GALNT7: variants seen among roughly 807,000 people sequenced by gnomAD.
The protein encoded by GALNT7 is polypeptide N-acetylgalactosaminyltransferase 7.
Under a neutral mutation model 82.1 loss-of-function variants are expected in GALNT7, and 60 were observed. The observed-to-expected ratio is 0.73, with a 90% CI of 0.59 to 0.91. The LOEUF (loss-of-function observed/expected upper bound fraction) is 0.91. Ranked by LOEUF, GALNT7 falls within the 40% of genes least tolerant of loss-of-function variation. GALNT7 has a pLI of 0.00. For synonymous variants in GALNT7, 243 were observed against 275.1 expected (o/e 0.88, Z 1.15); for missense variants, 660 against 804.2 (o/e 0.82, Z 2.17).
chr4:173,268,324 G>GT (rs1394780110), intron 2 of GALNT7: 1 of 152,036 alleles, frequency 6.6e-6, no homozygotes, highest in Non-Finnish European at 1.5e-5. Context: ...CAATAGCACT[G>GT]TAACTCGCAC....
At chr4:173,178,054 C>CGT (rs1732123073) in intron 1 of GALNT7, among the ~76,000 whole-genome samples, 1 of 123,124 alleles carries the variant, frequency 8.1e-6, no homozygotes, top group African/African-American at 3.7e-5. Flanking sequence ...TGTGTGTGTG[C>CGT]GCGCACGCGC....
chr4:173,222,068 C>A (rs1394362411), intron 1 of GALNT7, among the ~76,000 whole-genome samples: 1 of 152,122 alleles, frequency 6.6e-6, no homozygotes, highest in East Asian at 1.9e-4. Context: ...TCTGCCCCTG[C>A]CTCATGATAG....
intron 1 of GALNT7, among the ~76,000 whole-genome samples, chr4:173,206,127 G>T (rs1158987429): frequency 6.6e-6 from 1 of 152,218 alleles, no homozygotes; most frequent in Non-Finnish European, 1.5e-5. Flanking sequence ...CTGATGACAG[G>T]CTGCAGGGGA....
chr4:173,319,448 T>C (rs961201017), intron 11 of GALNT7, among the ~76,000 whole-genome samples: 1 of 152,132 alleles, frequency 6.6e-6, no homozygotes, highest in Non-Finnish European at 1.5e-5. Context: ...CACGTATCAA[T>C]TGATGATTTT....
chr4:173,208,532 C>G (rs998256461), intron 1 of GALNT7, among the ~76,000 whole-genome samples: 2 of 152,140 alleles, frequency 1.3e-5, no homozygotes, highest in Admixed American at 1.3e-4. Flanking sequence ...CTTCTTACCC[C>G]CTCCTCCGCA....
chr4:173,220,706 G>A (rs999511274), intron 1 of GALNT7, among the ~76,000 whole-genome samples: 4 of 132,628 alleles, frequency 3.0e-5, no homozygotes, highest in Admixed American at 1.9e-4. Flanking sequence ...CTGTGTCCAC[G>A]TGTTCTCATT....
intron 2 of GALNT7, among the ~76,000 whole-genome samples, chr4:173,279,182 G>A (rs954773623): frequency 6.6e-6 from 1 of 152,206 alleles, no homozygotes; most frequent in Admixed American, 6.5e-5. Context: ...GCATGGCACT[G>A]ACATATGCCT....
chr4:173,261,635 G>C (rs1287065707), intron 2 of GALNT7, among the ~76,000 whole-genome samples: 1 of 151,986 alleles, frequency 6.6e-6, no homozygotes, highest in Non-Finnish European at 1.5e-5. Flanking sequence ...TGGCCAACAT[G>C]GTGAAACCTC....
intron 2 of GALNT7, among the ~76,000 whole-genome samples, chr4:173,260,711 C>G (rs1735227620): frequency 6.6e-6 from 1 of 152,016 alleles, no homozygotes; most frequent in Non-Finnish European, 1.5e-5. Context: ...TTGTGCCTTA[C>G]AACATAAACA....
intron 1 of GALNT7, among the ~76,000 whole-genome samples, chr4:173,217,502 G>A (rs758039853): frequency 6.6e-6 from 1 of 152,172 alleles, no homozygotes; most frequent in Non-Finnish European, 1.5e-5. Context: ...AGGTTGAAGT[G>A]AAAAGCATGT....
chr4:173,321,066 G>A (rs1737796397), intron 11 of GALNT7, among the ~76,000 whole-genome samples: 1 of 152,122 alleles, frequency 6.6e-6, no homozygotes, highest in South Asian at 2.1e-4. Context: ...CCCAATCCTG[G>A]ATAGTCTGAG....
rs1348715834 is a variant in GALNT7 at position 173,288,277 on chromosome 4, C to T, written c.588-3831C>T. On this transcript the variant is annotated intron_variant, in intron 2 of 11. Transcript: ENST00000265000. ...CAGCCTGGGCGACAGAGCGAGACTCCATCTCAAAAAAAAAAAAAAAAAAAA... is the reference window on the plus strand; with the variant it reads ...CAGCCTGGGCGACAGAGCGAGACTCTATCTCAAAAAAAAAAAAAAAAAAAA... Among the ~76,000 whole-genome samples, 4 of 82,590 alleles carry T rather than the reference C, an allele frequency of 4.8e-5. No individual in the cohort carries two copies. In the East Asian group the frequency reaches 9.7e-4, roughly 20 times the overall value. 54.2% of individuals were successfully genotyped at this position (82,590 alleles called of 152,430 possible). A position where few individuals can be genotyped will look rare whatever the true frequency, so the allele number is the denominator to read the frequency against.
rs1485965883 is a variant in GALNT7, at chr4:173,320,151, G to A, written c.1837-1429G>A. On this transcript the variant is annotated intron_variant, in intron 11 of 11. Coordinates refer to ENST00000265000, the MANE Select transcript of GALNT7 (RefSeq NM_017423.3). This position sits in a 1 kb window ranked among gnomAD's most constrained non-coding sequence, Gnocchi z 4.1. Reference sequence around the variant, plus strand: ...CTTTTAGGAAAATAATTCTGGAAACGTGAGGTATGGACTGATGAAGCAACG... The same window carrying A: ...CTTTTAGGAAAATAATTCTGGAAACATGAGGTATGGACTGATGAAGCAACG... Among the ~76,000 whole-genome samples, 1 of 151,992 alleles carries A rather than the reference G, an allele frequency of 6.6e-6. No homozygotes were observed. Among genetic ancestry groups the A allele is most frequent in the Admixed American group, 6.6e-5 (1 of 15,240 alleles).
At chr4:173,243,257 G>A (rs1432446439) in intron 1 of GALNT7, among the ~76,000 whole-genome samples, 3 of 152,186 alleles carry the variant, frequency 2.0e-5, no homozygotes, top group Non-Finnish European at 2.9e-5. Context: ...GGATTTGGGG[G>A]TAAGAAGGGG....
intron 6 of GALNT7, among the ~76,000 whole-genome samples, chr4:173,299,434 A>G (rs1561195606): frequency 2.6e-5 from 4 of 152,212 alleles, no homozygotes; most frequent in Admixed American, 6.5e-5. Context: ...AGTAAAGAAA[A>G]TTTTTAAAGT....
chr4:173,181,459 T>C (rs957173234), intron 1 of GALNT7, among the ~76,000 whole-genome samples: 1 of 152,222 alleles, frequency 6.6e-6, no homozygotes, highest in Non-Finnish European at 1.5e-5. Flanking sequence ...TCTAAAATTC[T>C]CTATTCTAAA....
chr4:173,213,117 G>A lies in GALNT7; in HGVS notation c.127-34863G>A, dbSNP rs148007525. Among the ~76,000 whole-genome samples the A allele has an allele frequency of 5.4e-3, 826 of 152,192 alleles. 7 individuals carry two copies. The highest frequency in any genetic ancestry group is 0.018 in the African/African-American group (753 of 41,538). ...ATTTTATTTGTAATTTTAAGTTGACGAGATGATAAATAGAAAACCCCTTAT... is the reference window on the plus strand; with the variant it reads ...ATTTTATTTGTAATTTTAAGTTGACAAGATGATAAATAGAAAACCCCTTAT... On this transcript the variant is annotated intron_variant, in intron 1 of 11. Transcript: ENST00000265000.
chr4:173,261,712 AG>A (rs1218315525), intron 2 of GALNT7, among the ~76,000 whole-genome samples: 2 of 152,134 alleles, frequency 1.3e-5, no homozygotes, highest in African/African-American at 4.8e-5. Flanking sequence ...CCAGCTTCTC[AG>A]GAGGCTGAGG....
chr4:173,270,544 G>A (rs7663930), intron 2 of GALNT7, among the ~76,000 whole-genome samples: 2,253 of 152,270 alleles, frequency 0.015, 50 homozygotes, highest in African/African-American at 0.051. Flanking sequence ...AATCTTGGAC[G>A]CCTATCTCAA....
Sources: allele counts gnomAD v4.1 joint callset (sites outside exome capture counted in the v4.1 genomes callset), GRCh38; gene constraint gnomAD v4.1.1; non-coding constraint Gnocchi (gnomAD v3.1); transcripts MANE v1.5; gene names NCBI Gene and HGNC (gene_info 2026-07-23, HGNC 2026-07-21).